Variants in FMC1 observed in about 807,000 individuals in gnomAD.
FMC1 encodes the protein protein FMC1 homolog.
A neutral mutation model predicts 10.5 loss-of-function variants in FMC1; 6 were observed. The ratio of observed to expected loss-of-function variants is 0.57; its 90% confidence interval spans 0.31 to 1.12. The LOEUF (loss-of-function observed/expected upper bound fraction) is 1.12, where lower values mean the gene tolerates loss of function less well. Among genes scored for constraint, FMC1 ranks in the 50% most tolerant of loss-of-function variants. The probability of loss-of-function intolerance (pLI) is 0.05; values close to 1 mark genes in which losing one functional copy is unlikely to be tolerated. For synonymous variants in FMC1, 59 were observed against 62.1 expected (o/e 0.95, Z 0.24); for missense variants, 146 against 151.7 (o/e 0.96, Z 0.20).
upstream of FMC1, chr7:139,340,643 T>G (rs937335726): frequency 5.0e-6 from 2 of 396,564 alleles, no homozygotes; most frequent in East Asian, 3.6e-5. Flanking sequence ...GAAGTGACGA[T>G]GACGTACCAA....
intron 1 of FMC1, among the ~76,000 whole-genome samples, chr7:139,342,082 G>C (rs1799008004): frequency 6.6e-6 from 1 of 152,208 alleles, no homozygotes. Flanking sequence ...ACGGACGTCA[G>C]AATGTAAAAT....
intron 1 of FMC1, among the ~76,000 whole-genome samples, chr7:139,342,986 G>A (rs1167257108): frequency 6.6e-6 from 1 of 152,200 alleles, no homozygotes; most frequent in Non-Finnish European, 1.5e-5. Flanking sequence ...CTCCGGAGAA[G>A]GGATTCTATT....
chr7:139,344,547 A>G (rs924499018), intron 1 of FMC1, among the ~76,000 whole-genome samples: 1 of 152,146 alleles, frequency 6.6e-6, no homozygotes, highest in Admixed American at 6.5e-5. Context: ...AGTTGATTGA[A>G]TCCAAAGATG....
At position 139,345,894 on chromosome 7, in the gene FMC1, G is replaced by A. The variant is rs6948804; in HGVS notation, c.*190G>A. ...TTTACTGAACTTTTTGCACTAGACT[G>A]ATGTTGTTTTTCTACTTAAAAAAAT... On this transcript the variant is annotated 3_prime_UTR_variant, in exon 2 of 2. Coordinates refer to ENST00000297534, the MANE Select transcript of FMC1 (RefSeq NM_197964.5). 37,753 of 603,032 alleles carry A rather than the reference G, an allele frequency of 0.063. 4,536 individuals are homozygous for A. Among genetic ancestry groups the A allele is most frequent in the African/African-American group, 0.4 (20,499 of 51,522 alleles). The allele number at this position is 603,032 out of a possible 1,614,324, so 37.4% of individuals were successfully genotyped here. A position where few individuals can be genotyped will look rare whatever the true frequency, so the allele number is the denominator to read the frequency against.
At chr7:139,341,660 C>G (rs1421185574) in intron 1 of FMC1, 138 bp downstream of exon 1, 1 of 1,415,652 alleles carries the variant, frequency 7.1e-7, no homozygotes, top group Non-Finnish European at 9.3e-7. Context: ...TCTGACCAAA[C>G]CAACCCAGGC....
intron 1 of FMC1, among the ~76,000 whole-genome samples, chr7:139,344,469 A>G (rs1799161105): frequency 6.6e-6 from 1 of 152,212 alleles, no homozygotes; most frequent in African/African-American, 2.4e-5. Context: ...TTTAGGGAAT[A>G]ATGACAAAAC....
chr7:139,343,959 G>A (rs2131141449), intron 1 of FMC1, among the ~76,000 whole-genome samples: 1 of 151,606 alleles, frequency 6.6e-6, no homozygotes, highest in East Asian at 1.9e-4. Flanking sequence ...GTTGGTGGGG[G>A]GCGTATTATG....
intron 1 of FMC1, among the ~76,000 whole-genome samples, chr7:139,343,510 A>G (rs1448848802): frequency 1.3e-5 from 2 of 152,086 alleles, no homozygotes; most frequent in Admixed American, 1.3e-4. Context: ...CAAGAAGTCG[A>G]TCAAGGCTGC....
chr7:139,340,811 A>G (rs1363167527), upstream of FMC1, among the ~76,000 whole-genome samples: 1 of 150,370 alleles, frequency 6.7e-6, no homozygotes, highest in Non-Finnish European at 1.5e-5. Context: ...TTCTAAACAA[A>G]GCGAAATATG....
chr7:139,345,235 A>G (rs1335407052), intron 1 of FMC1, among the ~76,000 whole-genome samples: 6 of 152,262 alleles, frequency 3.9e-5, no homozygotes, highest in African/African-American at 1.4e-4. Context: ...AAATTAAGGA[A>G]TTGAAACTAG....
intron 1 of FMC1, 151 bp from the exon 2 acceptor site, chr7:139,345,350 A>G: frequency 8.0e-7 from 1 of 1,245,476 alleles, no homozygotes; most frequent in Non-Finnish European, 1.1e-6. Flanking sequence ...GTGCCTCTAT[A>G]GATGTATTAA....
intron 1 of FMC1, 111 bp downstream of exon 1, chr7:139,341,633 T>G: frequency 6.9e-7 from 1 of 1,454,274 alleles, no homozygotes; most frequent in Non-Finnish European, 9.1e-7. Context: ...AGGCCAACCC[T>G]CCCACGGAGC....
intron 1 of FMC1, among the ~76,000 whole-genome samples, chr7:139,344,717 T>G (rs1287405713): frequency 1.5e-5 from 2 of 131,452 alleles, no homozygotes; most frequent in South Asian, 2.5e-4. Flanking sequence ...TTTTTTTTTT[T>G]GTTGAGATGG....
chr7:139,345,865 T>C lies in FMC1; in HGVS notation c.*161T>C. 1.3e-6 allele frequency: 1 copy of C among 792,064 alleles called. No homozygotes were observed. Among genetic ancestry groups the C allele is most frequent in the Non-Finnish European group, 1.8e-6 (1 of 542,676 alleles). The allele number at this position is 792,064 out of a possible 1,614,324, so 49.1% of individuals were successfully genotyped here. ...CTGGACATTTCATCTTTACTCTCAG[T>C]GAATTTACTGAACTTTTTGCACTAG... On this transcript the variant is annotated 3_prime_UTR_variant, in exon 2 of 2. Coordinates refer to ENST00000297534, the MANE Select transcript of FMC1 (RefSeq NM_197964.5).
In FMC1 at chr7:139,341,528, G is replaced by A; in HGVS notation, c.138+6G>A. On this transcript the variant is annotated splice_donor_region_variant and intron_variant, in intron 1 of 1. Transcript: ENST00000297534. ...AGGCTTTCCGTGCACATCGGGTACG[G>A]GAGCCATGTCCCGGGTGCTCTACGT... 3 of 1,610,698 alleles carry A rather than the reference G, an allele frequency of 1.9e-6. No homozygotes were observed. The highest frequency in any genetic ancestry group is 1.7e-6 in the Non-Finnish European group (2 of 1,177,588).
chr7:139,343,571 C>T (rs1458439566), intron 1 of FMC1, among the ~76,000 whole-genome samples: 2 of 152,074 alleles, frequency 1.3e-5, no homozygotes, highest in Non-Finnish European at 2.9e-5. Context: ...CGGAGCGAGA[C>T]CCTGTCTCAA....
intron 1 of FMC1, chr7:139,344,761 G>A (rs1799188917): frequency 7.3e-6 from 1 of 137,658 alleles, no homozygotes; most frequent in Non-Finnish European, 1.5e-5. Context: ...GGAGTGCAGT[G>A]GCCCGATCTT....
chr7:139,345,441 T>A, intron 1 of FMC1, 60 bp from the exon 2 acceptor site: 1 of 1,598,926 alleles, frequency 6.3e-7, no homozygotes, highest in African/African-American at 1.3e-5. Context: ...TTATTAAATC[T>A]TTCTCTGTGG....
At chr7:139,345,353 T>G in intron 1 of FMC1, 148 bp from the exon 2 acceptor site, 3 of 1,248,068 alleles carry the variant, frequency 2.4e-6, no homozygotes, top group Non-Finnish European at 3.2e-6. Flanking sequence ...CCTCTATAGA[T>G]GTATTAAGTA....
Sources: allele counts gnomAD v4.1 joint callset (sites outside exome capture counted in the v4.1 genomes callset), GRCh38; gene constraint gnomAD v4.1.1; transcripts MANE v1.5; gene names NCBI Gene and HGNC (gene_info 2026-07-23, HGNC 2026-07-21).